The following PPP1R11 variants were observed in gnomAD, a reference collection of about 807,000 sequenced individuals.
PPP1R11 encodes the protein E3 ubiquitin-protein ligase PPP1R11.
In PPP1R11, 10 loss-of-function variants were observed where a neutral mutation model predicts 11.3. That is an observed-to-expected ratio of 0.88 (90% CI 0.55 to 1.50). The LOEUF (loss-of-function observed/expected upper bound fraction) is 1.50, where lower values mean the gene tolerates loss of function less well. PPP1R11 is among the 40% of genes most tolerant of loss of function. The pLI, the probability that PPP1R11 is intolerant of heterozygous loss-of-function variation, is 0.00. For synonymous variants in PPP1R11, 56 were observed against 62.3 expected (o/e 0.90, Z 0.48); for missense variants, 114 against 179.1 (o/e 0.64, Z 2.07).
chr6:30,062,176 A>G, upstream of PPP1R11: 1 of 1,511,616 alleles, frequency 6.6e-7, no homozygotes, highest in Admixed American at 1.7e-5. Flanking sequence ...TCCTGTGGGA[A>G]GTAAGGGGAT....
At chr6:30,068,561 G>T (rs756604610) in intron 1 of PPP1R11, 29 bp from the exon 2 acceptor site, 14 of 1,582,938 alleles carry the variant, frequency 8.8e-6, no homozygotes, top group Non-Finnish European at 9.5e-6. Flanking sequence ...GAGGGGACTA[G>T]ATAGGTATGC....
rs762641733 is a variant in PPP1R11 at position 30,067,434 on chromosome 6, G to A, written c.24G>A (p.Leu8=). Residue 8 remains leucine (L), a synonymous_variant, in exon 1 of 3, where the codon CTG becomes CTA. Coordinates refer to ENST00000376772, the MANE Select transcript of PPP1R11 (RefSeq NM_021959.3). Reference sequence around the variant, plus strand: ...CCATGGCCGAGGCAGGGGCTGGGCTGAGCGAGACCGTCACTGAGACAACGG... The same window carrying A: ...CCATGGCCGAGGCAGGGGCTGGGCTAAGCGAGACCGTCACTGAGACAACGG... The part of the protein sequence containing the change: MAEAGAG[L]SETVTETTVT... The A allele has an allele frequency of 1.4e-5, 22 of 1,614,180 alleles. No individual in the cohort carries two copies. The South Asian group carries it at 2.4e-4, about 18-fold the overall frequency.
upstream of PPP1R11, chr6:30,061,733 G>T: frequency 6.2e-7 from 1 of 1,605,978 alleles, no homozygotes; most frequent in African/African-American, 1.3e-5. This position sits in a 1 kb window ranked among gnomAD's most constrained non-coding sequence, Gnocchi z 5.0. Context: ...GGGAACTCAA[G>T]ATCGGTTGGG....
At chr6:30,066,348 C>T (rs1407682390), upstream of PPP1R11, among the ~76,000 whole-genome samples, 2 of 152,200 alleles carry the variant, frequency 1.3e-5, no homozygotes, top group African/African-American at 4.8e-5. Flanking sequence ...AAAAAACCTA[C>T]TTGTCGGCCT....
In PPP1R11 at chr6:30,067,277, G is replaced by A; in HGVS notation, c.-134G>A. On this transcript the variant is annotated 5_prime_UTR_variant, in exon 1 of 3. Coordinates refer to ENST00000376772, the MANE Select transcript of PPP1R11 (RefSeq NM_021959.3). The stretch of plus-strand genomic sequence containing the variant: ...GTGGAGAAGCGGAGGCCCAGGAGGA[G>A]GGGGAATAAAGAAGGTGGAGGATCC... The A allele has an allele frequency of 3.3e-6, 3 of 909,038 alleles. No homozygotes were observed. The highest frequency in any genetic ancestry group is 5.1e-6 in the Non-Finnish European group (3 of 592,152). The allele number at this position is 909,038 out of a possible 1,614,324, so 56.3% of individuals were successfully genotyped here.
upstream of PPP1R11, chr6:30,067,185 G>A: frequency 2.0e-6 from 1 of 490,274 alleles, no homozygotes; most frequent in Non-Finnish European, 3.7e-6. Flanking sequence ...GAAAAAGGGG[G>A]ACTGCAGTAT....
Position 30,067,487 on chromosome 6 carries a change from A to G in PPP1R11, c.69+8A>G, listed in dbSNP as rs1765624768. 1 of 1,613,192 alleles carries G rather than the reference A, an allele frequency of 6.2e-7. No individual in the cohort carries two copies. Among genetic ancestry groups the G allele is most frequent in the Non-Finnish European group, 8.5e-7 (1 of 1,179,342 alleles). ...ACCGTGACAACCGAGCCCGTGAGAA[A>G]GGCGGGGGGGCGGTGCTGTTTAGGG... On this transcript the variant is annotated splice_region_variant and intron_variant, in intron 1 of 2. Transcript: ENST00000376772.
upstream of PPP1R11, chr6:30,064,585 T>C: frequency 8.0e-7 from 1 of 1,257,186 alleles, no homozygotes; most frequent in Non-Finnish European, 1.1e-6. Flanking sequence ...ATAAAAGTCC[T>C]TCCTTGATTA....
upstream of PPP1R11, among the ~76,000 whole-genome samples, chr6:30,064,434 G>A (rs1056408191): frequency 2.0e-5 from 3 of 150,374 alleles, no homozygotes; most frequent in African/African-American, 7.3e-5. Context: ...TTCTTTTACA[G>A]CTAGTGCTTT....
At chr6:30,062,714 C>CTTTTTTTTTTTT (rs9278555), upstream of PPP1R11, among the ~76,000 whole-genome samples, 18 of 42,390 alleles carry the variant, frequency 4.2e-4, no homozygotes, top group East Asian at 9.5e-4. Context: ...CCACGCCTGG[C>CTTTTTTTTTTTT]TTTTTTTTTT....
rs763335445 is a variant in PPP1R11 at position 30,069,473 on chromosome 6, C to T, written c.*167C>T. On this transcript the variant is annotated 3_prime_UTR_variant, in exon 3 of 3. Coordinates refer to ENST00000376772, the MANE Select transcript of PPP1R11 (RefSeq NM_021959.3). The surrounding 1 kb of genome is among the most constrained non-coding windows in gnomAD (Gnocchi z 6.6). ...ACTTGCTGCTATTCCAGAACCCAGC[C>T]TCCTGGGTTTCCCCAGTCCTCATTT... is the stretch of plus-strand genomic sequence containing the variant. The T allele has an allele frequency of 8.5e-5, 50 of 585,878 alleles. No individual in the cohort carries two copies. In the South Asian group the frequency reaches 1.3e-3, roughly 15 times the overall value. The allele number at this position is 585,878 out of a possible 1,614,324, so 36.3% of individuals were successfully genotyped here. A position where few individuals can be genotyped will look rare whatever the true frequency, so the allele number is the denominator to read the frequency against.
rs1561972395 is a variant in PPP1R11 at position 30,067,490 on chromosome 6, C to T, written c.69+11C>T. ...GTGACAACCGAGCCCGTGAGAAAGG[C>T]GGGGGGGCGGTGCTGTTTAGGGGTC... On this transcript the variant is annotated intron_variant, in intron 1 of 2. Transcript: ENST00000376772. 6.2e-7 allele frequency: 1 copy of T among 1,611,724 alleles called. No homozygotes were observed. The highest frequency in any genetic ancestry group is 2.2e-5 in the East Asian group (1 of 44,846).
chr6:30,065,928 G>A (rs1466706120), upstream of PPP1R11, among the ~76,000 whole-genome samples: 2 of 152,060 alleles, frequency 1.3e-5, no homozygotes, highest in East Asian at 1.9e-4. This position sits in a 1 kb window ranked among gnomAD's most constrained non-coding sequence, Gnocchi z 5.3. Flanking sequence ...GCATTCCTTG[G>A]CTCAAATAGT....
At chr6:30,062,082 C>G, upstream of PPP1R11, 7 of 1,526,836 alleles carry the variant, frequency 4.6e-6, no homozygotes, top group Non-Finnish European at 6.4e-6. Flanking sequence ...GGAGTGATTG[C>G]AAAGCTCTGG....
chr6:30,062,119 G>A, upstream of PPP1R11: 10 of 1,450,034 alleles, frequency 6.9e-6, no homozygotes, highest in Non-Finnish European at 9.7e-6. Flanking sequence ...TTCCAAGAGG[G>A]AAAAGAGATG....
upstream of PPP1R11, chr6:30,061,729 T>C: frequency 6.2e-7 from 1 of 1,606,490 alleles, no homozygotes; most frequent in Non-Finnish European, 8.5e-7. This position sits in a 1 kb window ranked among gnomAD's most constrained non-coding sequence, Gnocchi z 5.0. Flanking sequence ...CTTGGGGAAC[T>C]CAAGATCGGT....
intron 1 of PPP1R11, 98 bp from the exon 2 acceptor site, chr6:30,068,492 A>G (rs9261286): frequency 0.05 from 47,380 of 939,560 alleles, 1,523 homozygotes; most frequent in East Asian, 0.072. Context: ...TATGGTACTG[A>G]TTGAGCTAAA....
intron 1 of PPP1R11, chr6:30,067,702 G>T (rs1765641811): frequency 3.8e-6 from 2 of 528,914 alleles, no homozygotes; most frequent in Admixed American, 3.3e-5. Flanking sequence ...GTACAGTTAG[G>T]ATATAGGTGT....
rs1467451160 is a variant in PPP1R11, at chr6:30,070,266, TC to T, written c.*962del. The T allele has an allele frequency of 6.4e-6, 1 of 156,102 alleles. No homozygotes were observed. The highest frequency in any genetic ancestry group is 1.4e-5 in the Non-Finnish European group (1 of 70,242). The allele number at this position is 156,102 out of a possible 1,614,324, so 9.7% of individuals were successfully genotyped here. ...TACACAGTTACAGAGATCAGTCAAA[TC>T]CATACCACCACTGAGATCTCATTTA... On this transcript the variant is annotated 3_prime_UTR_variant, in exon 3 of 3. Coordinates refer to ENST00000376772, the MANE Select transcript of PPP1R11 (RefSeq NM_021959.3).
Sources: gnomAD v4.1 joint callset for allele counts (sites outside exome capture counted in the v4.1 genomes callset) on GRCh38, gnomAD v4.1.1 for gene constraint, Gnocchi (gnomAD v3.1) non-coding constraint, MANE v1.5 for transcripts, NCBI Gene and HGNC (gene_info 2026-07-23, HGNC 2026-07-21) for gene names.